The following NEDD4L variants were observed in gnomAD, a reference collection of about 807,000 sequenced individuals.
The protein encoded by NEDD4L is NEDD4 like E3 ubiquitin protein ligase, also known as E3 ubiquitin-protein ligase NEDD4-like.
Under a neutral mutation model 148.9 loss-of-function variants are expected in NEDD4L, and 54 were observed. The observed-to-expected ratio is 0.36, with a 90% CI of 0.29 to 0.45. The LOEUF is 0.45. NEDD4L is among the 20% of genes least tolerant of loss of function. The pLI, the probability that NEDD4L is intolerant of heterozygous loss-of-function variation, is 1.00. For synonymous variants in NEDD4L, 433 were observed against 440.7 expected (o/e 0.98, Z 0.22); for missense variants, 856 against 1,233.8 (o/e 0.69, Z 4.59).
At chr18:58,380,388 G>A (rs146268466) in intron 24 of NEDD4L, among the ~76,000 whole-genome samples, 3,101 of 151,060 alleles carry the variant, frequency 0.021, 138 homozygotes, top group East Asian at 0.19. Context: ...GCATGATCTC[G>A]GCTCAGTGCA....
At position 58,383,336 on chromosome 18, in the gene NEDD4L, T is replaced by A; in HGVS notation, c.2426+17T>A. ...ATATATCGAGTATGTATACACATAT[T>A]TACTGCCTTTTCTTTGAATAATTGA... On this transcript the variant is annotated intron_variant, in intron 25 of 30. Coordinates refer to ENST00000400345, the MANE Select transcript of NEDD4L (RefSeq NM_001144967.3). 7.4e-7 allele frequency: 1 copy of A among 1,350,576 alleles called. No homozygotes were observed. Among genetic ancestry groups the A allele is most frequent in the Non-Finnish European group, 1.0e-6 (1 of 967,690 alleles). The allele number at this position is 1,350,576 out of a possible 1,614,324, so 83.7% of individuals were successfully genotyped here.
intron 8 of NEDD4L, among the ~76,000 whole-genome samples, chr18:58,324,058 T>G (rs920589448): frequency 3.3e-5 from 5 of 152,228 alleles, no homozygotes; most frequent in African/African-American, 1.2e-4. Context: ...CGAACACTCC[T>G]CCGCCTGAGA....
chr18:58,198,093 T>C (rs556036948), intron 2 of NEDD4L, among the ~76,000 whole-genome samples: 7 of 152,196 alleles, frequency 4.6e-5, no homozygotes, highest in Admixed American at 4.6e-4. Context: ...AACTGTAGGA[T>C]AGGTAAAGTT....
intron 1 of NEDD4L, among the ~76,000 whole-genome samples, chr18:58,161,732 C>T (rs1399182332): frequency 6.6e-6 from 1 of 152,062 alleles, no homozygotes; most frequent in African/African-American, 2.4e-5. Flanking sequence ...GTGGGGGGTG[C>T]TTGGCTCTAC....
At chr18:58,142,284 G>A (rs186830474) in intron 1 of NEDD4L, among the ~76,000 whole-genome samples, 1 of 151,588 alleles carries the variant, frequency 6.6e-6, no homozygotes, top group Admixed American at 6.6e-5. Context: ...TTTTGACATC[G>A]TGATCCACCT....
At chr18:58,055,067 G>A (rs571238880) in intron 1 of NEDD4L, among the ~76,000 whole-genome samples, 9 of 152,244 alleles carry the variant, frequency 5.9e-5, no homozygotes, top group African/African-American at 1.9e-4. Context: ...TTAATACCAC[G>A]AAGATGTCAC....
intron 1 of NEDD4L, among the ~76,000 whole-genome samples, chr18:58,131,974 A>T (rs2032223088): frequency 6.6e-6 from 1 of 152,216 alleles, no homozygotes; most frequent in Non-Finnish European, 1.5e-5. Context: ...GAGATCAAAC[A>T]TCCACTTTTT....
intron 1 of NEDD4L, among the ~76,000 whole-genome samples, chr18:58,131,660 T>C (rs753386255): frequency 6.6e-5 from 10 of 151,806 alleles, no homozygotes; most frequent in Non-Finnish European, 1.0e-4. Context: ...TGTGATGGTG[T>C]TGAGCTCTGT....
In NEDD4L at chr18:58,131,122, G is replaced by A. The variant is rs2032055714; in HGVS notation, c.49-34666G>A. Among the ~76,000 whole-genome samples, 3 of 148,334 alleles carry A rather than the reference G, an allele frequency of 2.0e-5. 1 individual carries two copies. Among genetic ancestry groups the A allele is most frequent in the Admixed American group, 1.3e-4 (2 of 14,898 alleles). On this transcript the variant is annotated intron_variant, in intron 1 of 30. Coordinates refer to ENST00000400345, the MANE Select transcript of NEDD4L (RefSeq NM_001144967.3). ...TGTGATCTAGCGGAACTGTGGCAGTGTTGGGCTCTGGATTTGGTTGGTTGT... is the reference window on the plus strand; with the variant it reads ...TGTGATCTAGCGGAACTGTGGCAGTATTGGGCTCTGGATTTGGTTGGTTGT...
intron 2 of NEDD4L, among the ~76,000 whole-genome samples, chr18:58,204,946 A>G (rs941881870): frequency 2.0e-5 from 3 of 152,208 alleles, no homozygotes; most frequent in Non-Finnish European, 4.4e-5. Context: ...ATGGCAGGGG[A>G]GGAACTCGGC....
intron 5 of NEDD4L, among the ~76,000 whole-genome samples, chr18:58,309,098 C>T (rs930249920): frequency 3.3e-5 from 5 of 152,200 alleles, no homozygotes; most frequent in Non-Finnish European, 5.9e-5. Context: ...TTAATGTCCT[C>T]ATGTGTCTTC....
At chr18:58,044,753 T>A in intron 1 of NEDD4L, 45 bp downstream of exon 1, 1 of 1,590,420 alleles carries the variant, frequency 6.3e-7, no homozygotes, top group Non-Finnish European at 8.6e-7. Flanking sequence ...GGGGAGTTCC[T>A]ATCCCGCGCC....
intron 1 of NEDD4L, among the ~76,000 whole-genome samples, chr18:58,159,136 G>A (rs1312111825): frequency 2.6e-5 from 4 of 152,140 alleles, no homozygotes; most frequent in Admixed American, 6.5e-5. Flanking sequence ...GGTGTGGGGA[G>A]GGAGAAAGTC....
chr18:58,048,758 A>G (rs1340926375), intron 1 of NEDD4L, among the ~76,000 whole-genome samples: 2 of 152,166 alleles, frequency 1.3e-5, no homozygotes, highest in Non-Finnish European at 2.9e-5. Context: ...ATCTGGCTTA[A>G]TTGGGGCCAC....
At chr18:58,130,777 T>C (rs1390140115) in intron 1 of NEDD4L, among the ~76,000 whole-genome samples, 1 of 142,098 alleles carries the variant, frequency 7.0e-6, no homozygotes, top group Non-Finnish European at 1.5e-5. Context: ...ACTGTGGCAG[T>C]GTTGGGCTCT....
intron 5 of NEDD4L, among the ~76,000 whole-genome samples, chr18:58,255,141 C>T (rs1390317755): frequency 1.3e-5 from 2 of 152,126 alleles, no homozygotes; most frequent in African/African-American, 2.4e-5. Flanking sequence ...AGTCTCAGTG[C>T]TGTGCTCCGT....
chr18:58,309,018 G>T (rs768577945), intron 5 of NEDD4L, among the ~76,000 whole-genome samples: 1 of 152,186 alleles, frequency 6.6e-6, no homozygotes, highest in East Asian at 1.9e-4. Flanking sequence ...TGTCCTCGGC[G>T]CTCTCTCTCC....
chr18:58,369,379 C>T (rs902435520), intron 22 of NEDD4L, among the ~76,000 whole-genome samples: 3 of 152,204 alleles, frequency 2.0e-5, no homozygotes, highest in African/African-American at 4.8e-5. Flanking sequence ...TTTAAGAGTC[C>T]AAGTGCACAT....
At chr18:58,115,751 G>A (rs1046376158) in intron 1 of NEDD4L, among the ~76,000 whole-genome samples, 24 of 152,180 alleles carry the variant, frequency 1.6e-4, no homozygotes, top group East Asian at 5.8e-4. Context: ...TGAGCAAAAC[G>A]TTGACAGAGG....
Sources: gnomAD v4.1 joint callset for allele counts (sites outside exome capture counted in the v4.1 genomes callset) on GRCh38, gnomAD v4.1.1 for gene constraint, MANE v1.5 for transcripts, NCBI Gene and HGNC (gene_info 2026-07-23, HGNC 2026-07-21) for gene names.